Variants in ARHGEF16 observed in about 807,000 individuals in gnomAD.
The protein encoded by ARHGEF16 is Rho guanine exchange factor (GEF) 16.
ARHGEF16 carries 59 observed loss-of-function variants against 74.1 expected under a neutral mutation model. That is an observed-to-expected ratio of 0.80 (90% CI 0.65 to 0.99). ARHGEF16 has a LOEUF of 0.99. ARHGEF16 is among the 50% of genes least tolerant of loss of function. The probability of loss-of-function intolerance (pLI) is 0.00; values close to 1 mark genes in which losing one functional copy is unlikely to be tolerated. For missense variants in ARHGEF16, 948 were observed against 986.6 expected (o/e 0.96, Z 0.52); for synonymous variants, 415 against 412.6 (o/e 1.01, Z -0.07).
chr1:3,472,797 C>T (rs1020097327), intron 6 of ARHGEF16: 5 of 434,710 alleles, frequency 1.2e-5, no homozygotes, highest in Non-Finnish European at 2.1e-5. Flanking sequence ...GGGGCTGCCC[C>T]TGGACAACAG....
In ARHGEF16 at chr1:3,455,039, C is replaced by T. The variant is rs1219916080; in HGVS notation, c.-20+228C>T. On this transcript the variant is annotated intron_variant, in intron 1 of 14. Coordinates refer to ENST00000378378, the MANE Select transcript of ARHGEF16 (RefSeq NM_014448.4). ...GGCTGAGCCGGATGCGACTTTGGAC[C>T]CGCCCCCCCACACACACCAGGCAGC... Among the ~76,000 whole-genome samples, 5 of 152,008 alleles carry T rather than the reference C, an allele frequency of 3.3e-5. No individual in the cohort carries two copies. The East Asian group carries it at 9.7e-4, about 30-fold the overall frequency.
chr1:3,469,350 C>T (rs1036470494), intron 5 of ARHGEF16, 83 bp from the exon 6 acceptor site: 31 of 1,518,046 alleles, frequency 2.0e-5, no homozygotes, highest in African/African-American at 2.7e-5. Flanking sequence ...ACCCGGGTCA[C>T]GTCCTCCTGT....
intron 2 of ARHGEF16, among the ~76,000 whole-genome samples, 166 bp downstream of exon 2, chr1:3,463,838 T>C (rs1407919009): frequency 6.6e-6 from 1 of 152,112 alleles, no homozygotes; most frequent in African/African-American, 2.4e-5. Context: ...AGTCTGTGAG[T>C]GTGAAGATCC....
intron 6 of ARHGEF16, among the ~76,000 whole-genome samples, chr1:3,470,373 T>TATCTGCGTG (rs1214081263): frequency 7.0e-6 from 1 of 143,626 alleles, no homozygotes. Context: ...TATGTGTGTG[T>TATCTGCGTG]GTAGGTGTGC....
Position 3,474,552 on chromosome 1 carries a change from C to T in ARHGEF16, c.1306-156C>T, listed in dbSNP as rs556392435. ...GCAGAGCTCCAGGTGGTGCAGAGGC[C>T]GTTCAGGGGCTGTACGTGCTGTGGG... On this transcript the variant is annotated intron_variant, in intron 8 of 14. Coordinates refer to ENST00000378378, the MANE Select transcript of ARHGEF16 (RefSeq NM_014448.4). 2.0e-4 allele frequency: 130 copies of T among 654,904 alleles called. 1 individual carries two copies. The African/African-American group carries it at 2.1e-3, about 10-fold the overall frequency. The allele number at this position is 654,904 out of a possible 1,614,324, so 40.6% of individuals were successfully genotyped here.
intron 13 of ARHGEF16, 56 bp from the exon 14 acceptor site, chr1:3,479,756 A>T (rs1640003443): frequency 1.3e-6 from 2 of 1,583,310 alleles, no homozygotes; most frequent in Non-Finnish European, 1.7e-6. Context: ...GCCGTTGGGG[A>T]GTGGAGCCTG....
chr1:3,461,488 C>T (rs1033457055), intron 1 of ARHGEF16, among the ~76,000 whole-genome samples: 27 of 152,234 alleles, frequency 1.8e-4, no homozygotes, highest in Non-Finnish European at 3.7e-4. Flanking sequence ...AGGGCTGCTC[C>T]CTGACACGTG....
intron 2 of ARHGEF16, among the ~76,000 whole-genome samples, chr1:3,464,599 CTTG>C (rs1639491691): frequency 6.6e-6 from 1 of 152,240 alleles, no homozygotes; most frequent in African/African-American, 2.4e-5. Context: ...GGGCGTCCTT[CTTG>C]TTGGGCGCCT....
At chr1:3,466,050 G>T in intron 2 of ARHGEF16, 98 bp from the exon 3 acceptor site, 7 of 1,343,784 alleles carry the variant, frequency 5.2e-6, no homozygotes. Flanking sequence ...AGCTTCGCAT[G>T]TGGAGCCGAG....
intron 8 of ARHGEF16, chr1:3,474,388 C>T (rs1639825081): frequency 2.8e-6 from 1 of 360,586 alleles, no homozygotes; most frequent in Admixed American, 3.9e-5. Flanking sequence ...CTGGGGGCCC[C>T]AGGGATGTGC....
At chr1:3,478,084 C>T in intron 11 of ARHGEF16, 58 bp downstream of exon 11, 1 of 1,608,458 alleles carries the variant, frequency 6.2e-7, no homozygotes, top group Non-Finnish European at 8.5e-7. Context: ...GGACCGCTGG[C>T]CCTGGGGCAG....
chr1:3,480,015 A>C (rs1174241216), intron 14 of ARHGEF16, 102 bp downstream of exon 14: 1 of 1,154,298 alleles, frequency 8.7e-7, no homozygotes, highest in Admixed American at 1.9e-5. Flanking sequence ...CTGCAGGCTG[A>C]CCATGTGCTC....
At chr1:3,458,377 G>T (rs571071507) in intron 1 of ARHGEF16, among the ~76,000 whole-genome samples, 4 of 152,376 alleles carry the variant, frequency 2.6e-5, no homozygotes, top group African/African-American at 7.2e-5. Flanking sequence ...TCTCTCTGTG[G>T]CACTGCAGCC....
At chr1:3,462,798 C>T (rs1263077615) in intron 1 of ARHGEF16, among the ~76,000 whole-genome samples, 3 of 152,234 alleles carry the variant, frequency 2.0e-5, no homozygotes, top group African/African-American at 7.2e-5. Flanking sequence ...GCTGTGCCCA[C>T]CTGGTCCCTT....
intron 9 of ARHGEF16, 48 bp downstream of exon 9, chr1:3,474,830 C>T (rs1430347453): frequency 6.4e-7 from 1 of 1,560,316 alleles, no homozygotes; most frequent in Non-Finnish European, 8.8e-7. Context: ...GTACCCCGAC[C>T]CTGTCCCCAC....
intron 3 of ARHGEF16, 133 bp from the exon 4 acceptor site, chr1:3,467,035 C>T: frequency 3.2e-6 from 3 of 951,982 alleles, no homozygotes; most frequent in Non-Finnish European, 4.6e-6. Flanking sequence ...CTGGGGCAGT[C>T]CCCTCCCAAA....
At chr1:3,476,571 C>T (rs1026231842) in intron 10 of ARHGEF16, among the ~76,000 whole-genome samples, 3 of 151,978 alleles carry the variant, frequency 2.0e-5, no homozygotes, top group Non-Finnish European at 2.9e-5. Context: ...GCCCTAGTCC[C>T]TGCCACAAAC....
chr1:3,473,764 T>A, intron 8 of ARHGEF16: 2 of 655,990 alleles, frequency 3.0e-6, no homozygotes, highest in South Asian at 3.9e-5. Context: ...GTTCACTTAC[T>A]CAATGGTTCA....
intron 10 of ARHGEF16, 77 bp downstream of exon 10, chr1:3,476,139 C>A: frequency 7.0e-7 from 1 of 1,438,454 alleles, no homozygotes; most frequent in Non-Finnish European, 9.5e-7. Context: ...TGTGAGGTCA[C>A]ACCCCTGAGC....
Sources: gnomAD v4.1 joint callset for allele counts (sites outside exome capture counted in the v4.1 genomes callset) on GRCh38, gnomAD v4.1.1 for gene constraint, MANE v1.5 for transcripts, NCBI Gene and HGNC (gene_info 2026-07-23, HGNC 2026-07-21) for gene names.